SNRPG: variants seen among roughly 807,000 people sequenced by gnomAD.
SNRPG encodes small nuclear ribonucleoprotein G.
Under a neutral mutation model 13.9 loss-of-function variants are expected in SNRPG, and 3 were observed. The observed-to-expected ratio is 0.22, with a 90% CI of 0.10 to 0.56. The LOEUF (loss-of-function observed/expected upper bound fraction) is 0.56. Among genes scored for constraint, SNRPG ranks in the 20% least tolerant of loss-of-function variants. The pLI is 0.93. For synonymous variants in SNRPG, 29 were observed against 29.3 expected, an observed-to-expected ratio of 0.99 and a Z score of 0.03; for missense variants, 34 against 96.1, an observed-to-expected ratio of 0.35 and a Z score of 2.70.
At position 70,293,033 on chromosome 2, in the gene SNRPG, A is replaced by T. The variant is rs530681263; in HGVS notation, c.32+585T>A. 54 of 629,642 alleles carry T rather than the reference A, an allele frequency of 8.6e-5. No homozygotes were observed. In the South Asian group the frequency reaches 9.3e-4, roughly 11 times the overall value. The allele number at this position is 629,642 out of a possible 1,614,324, so 39.0% of individuals were successfully genotyped here. ...AAATTAATGTTCTTAAAAAAAAAGA[A>T]AAATGAATGTTCTTATATAGTTTCA... On this transcript the variant is annotated intron_variant, in intron 1 of 3. Coordinates refer to ENST00000272348, the MANE Select transcript of SNRPG (RefSeq NM_003096.4).
At chr2:70,293,295 C>T in intron 1 of SNRPG, 2 of 679,960 alleles carry the variant, frequency 2.9e-6, no homozygotes, top group Non-Finnish European at 5.3e-6. Flanking sequence ...TGATACTATT[C>T]GAGATGTTCA....
chr2:70,289,232 C>T (rs1697017827), intron 2 of SNRPG, 118 bp downstream of exon 2: 2 of 592,818 alleles, frequency 3.4e-6, no homozygotes, highest in Admixed American at 3.0e-5. Flanking sequence ...GGATTACAGC[C>T]GTGAGCCATC....
intron 1 of SNRPG, 77 bp downstream of exon 1, chr2:70,293,541 G>T: frequency 2.5e-6 from 3 of 1,216,784 alleles, no homozygotes; most frequent in Non-Finnish European, 3.7e-6. Flanking sequence ...AAGACATTCG[G>T]CTAACGGAGA....
At chr2:70,288,374 C>T (rs1406658928) in intron 2 of SNRPG, among the ~76,000 whole-genome samples, 182 bp from the exon 3 acceptor site, 2 of 152,106 alleles carry the variant, frequency 1.3e-5, no homozygotes, top group Non-Finnish European at 2.9e-5. Context: ...TATAAGAATC[C>T]TAAAAAGTAG....
At chr2:70,289,237 G>A (rs1697018146) in intron 2 of SNRPG, 113 bp downstream of exon 2, 1 of 619,256 alleles carries the variant, frequency 1.6e-6, no homozygotes, top group Non-Finnish European at 2.9e-6. Context: ...ACAGCCGTGA[G>A]CCATCGCGCC....
chr2:70,287,893 ACAGGTAAC>A (rs1486312424), intron 3 of SNRPG, 167 bp downstream of exon 3: 1 of 620,466 alleles, frequency 1.6e-6, no homozygotes, highest in Non-Finnish European at 2.9e-6. Context: ...GATCTTACCT[ACAGGTAAC>A]CAGGATATTA....
At chr2:70,291,762 A>G (rs1243637918) in intron 1 of SNRPG, among the ~76,000 whole-genome samples, 10 of 152,048 alleles carry the variant, frequency 6.6e-5, no homozygotes. Flanking sequence ...CTTCTCTGAA[A>G]TTTTCAAAAA....
intron 3 of SNRPG, chr2:70,287,447 T>C (rs574891816): frequency 7.5e-6 from 5 of 668,602 alleles, no homozygotes; most frequent in South Asian, 1.6e-5. Flanking sequence ...TACGGCCCAA[T>C]GAATGTAGGA....
intron 1 of SNRPG, chr2:70,293,122 G>A (rs529958319): frequency 1.4e-6 from 1 of 702,340 alleles, no homozygotes; most frequent in African/African-American, 1.7e-5. Flanking sequence ...AAAAAGGAAT[G>A]AGGTTTCTAA....
In SNRPG at chr2:70,285,287, G is replaced by C. The variant is rs114472288; in HGVS notation, c.180+2781C>G. 7.4e-3 allele frequency among the ~76,000 whole-genome samples: 1,122 copies of C among 152,190 alleles called. 18 individuals carry two copies. The highest frequency in any genetic ancestry group is 0.025 in the African/African-American group (1,027 of 41,544). Reference sequence around the variant, plus strand: ...ATTGTGAAGAAGTAAAAAGAAGTTCGTGCTGGCCAGGCGCGGTGGCTCACG... The same window carrying C: ...ATTGTGAAGAAGTAAAAAGAAGTTCCTGCTGGCCAGGCGCGGTGGCTCACG... On this transcript the variant is annotated intron_variant, in intron 3 of 3. Coordinates refer to ENST00000272348, the MANE Select transcript of SNRPG (RefSeq NM_003096.4).
chr2:70,290,493 C>A, intron 1 of SNRPG, among the ~76,000 whole-genome samples: 1 of 149,058 alleles, frequency 6.7e-6, no homozygotes, highest in African/African-American at 2.5e-5. Context: ...CCATATAGGC[C>A]AGAAAACATA....
intron 3 of SNRPG, chr2:70,287,194 ATCTT>A (rs1027529901): frequency 1.5e-5 from 10 of 646,888 alleles, no homozygotes; most frequent in Non-Finnish European, 2.8e-5. Flanking sequence ...AAATAGGTCT[ATCTT>A]CAACTTTACT....
chr2:70,287,262 T>C lies in SNRPG; in HGVS notation c.180+806A>G, dbSNP rs1164156667. 8 of 699,550 alleles carry C rather than the reference T, an allele frequency of 1.1e-5. No homozygotes were observed. In the South Asian group the frequency reaches 1.2e-4, roughly 11 times the overall value. 43.3% of individuals were successfully genotyped at this position (699,550 alleles called of 1,614,324 possible). On this transcript the variant is annotated intron_variant, in intron 3 of 3. Transcript: ENST00000272348. ...ATCAAGGCTAATAATTAGCAACTCT[T>C]ACCACTCCTTGGAGGTCTTTATGCT...
intron 2 of SNRPG, 27 bp from the exon 3 acceptor site, chr2:70,288,219 A>G (rs1559044254): frequency 6.3e-7 from 1 of 1,598,996 alleles, no homozygotes; most frequent in African/African-American, 1.3e-5. Flanking sequence ...AAGAAGTTTT[A>G]GAAAAACATT....
intron 1 of SNRPG, chr2:70,291,172 G>A (rs907509131): frequency 6.6e-6 from 1 of 152,070 alleles, no homozygotes; most frequent in Non-Finnish European, 1.5e-5. Flanking sequence ...CATTTCCACC[G>A]TTTTTACAGA....
chr2:70,289,837 G>A (rs926558165), intron 1 of SNRPG, among the ~76,000 whole-genome samples: 5 of 151,896 alleles, frequency 3.3e-5, no homozygotes, highest in African/African-American at 1.2e-4. Context: ...GGGCGTAAAG[G>A]GTTACCTAAA....
intron 3 of SNRPG, among the ~76,000 whole-genome samples, chr2:70,283,114 A>AAAAAAAAAAAAAAAAAAAAAAAC (rs1696848853): frequency 6.8e-6 from 1 of 147,888 alleles, no homozygotes; most frequent in African/African-American, 2.5e-5. Flanking sequence ...AAAAAAAAAA[A>AAAAAAAAAAAAAAAAAAAAAAAC]AAAAAAAAAA....
chr2:70,293,728 T>A lies in SNRPG; in HGVS notation c.-79A>T, dbSNP rs1225022321. 2.9e-6 allele frequency: 4 copies of A among 1,383,206 alleles called. No individual in the cohort carries two copies. Among genetic ancestry groups the A allele is most frequent in the South Asian group, 1.2e-5 (1 of 86,486 alleles). The allele number at this position is 1,383,206 out of a possible 1,614,324, so 85.7% of individuals were successfully genotyped here. On this transcript the variant is annotated 5_prime_UTR_variant, in exon 1 of 4. Transcript: ENST00000272348. ...TCACGCTCCCGCTGTAGGCCCGGCG[T>A]CTTGCGTCTGGCGTCATCGACCTCG...
chr2:70,289,297 T>C, intron 2 of SNRPG, 53 bp downstream of exon 2: 1 of 1,061,896 alleles, frequency 9.4e-7, no homozygotes, highest in Non-Finnish European at 1.4e-6. Flanking sequence ...CTAAGACACA[T>C]GTAAAAAGCA....
Sources: gnomAD v4.1 joint callset for allele counts (sites outside exome capture counted in the v4.1 genomes callset) on GRCh38, gnomAD v4.1.1 for gene constraint, MANE v1.5 for transcripts, NCBI Gene and HGNC (gene_info 2026-07-23, HGNC 2026-07-21) for gene names.